Variants in PCDHGA2 observed in about 807,000 individuals in gnomAD.
PCDHGA2 encodes protocadherin gamma-A2.
In PCDHGA2, 40 loss-of-function variants were observed where a neutral mutation model predicts 59.2. The observed-to-expected ratio is 0.68, with a 90% CI of 0.52 to 0.88. PCDHGA2 has a LOEUF of 0.88. PCDHGA2 is among the 40% of genes least tolerant of loss of function. PCDHGA2 has a pLI of 0.00. For missense variants in PCDHGA2, 1,226 were observed against 1,204.0 expected, an observed-to-expected ratio of 1.02 and a Z score of -0.27; for synonymous variants, 560 against 526.0, an observed-to-expected ratio of 1.06 and a Z score of -0.89.
At chr5:141,447,011 C>T (rs1213312322) in intron 1 of PCDHGA2, among the ~76,000 whole-genome samples, 1 of 143,918 alleles carries the variant, frequency 6.9e-6, no homozygotes. Flanking sequence ...TCCTAGTGTT[C>T]AGTTTTGTTT....
Position 141,408,292 on chromosome 5 carries a change from T to C in PCDHGA2, c.2424+66897T>C, listed in dbSNP as rs752767472. On this transcript the variant is annotated intron_variant, in intron 1 of 3. Coordinates refer to ENST00000394576, the MANE Select transcript of PCDHGA2 (RefSeq NM_018915.4). ...TGCCTTTGTTCTACCCCACCCTGAGTGAGCCGATCCGCTACTCGATTCCGG... is the reference window on the plus strand; with the variant it reads ...TGCCTTTGTTCTACCCCACCCTGAGCGAGCCGATCCGCTACTCGATTCCGG... The C allele has an allele frequency of 5.0e-6, 8 of 1,613,504 alleles. No homozygotes were observed. The South Asian group carries it at 8.8e-5, about 18-fold the overall frequency.
chr5:141,419,647 G>C (rs370948584), intron 1 of PCDHGA2: 6 of 1,612,592 alleles, frequency 3.7e-6, no homozygotes, highest in Non-Finnish European at 5.1e-6. Context: ...CCGTGGACGC[G>C]GACTCGGGGC....
At chr5:141,387,885 A>C (rs748815627) in intron 1 of PCDHGA2, 1 of 1,578,800 alleles carries the variant, frequency 6.3e-7, no homozygotes, top group Non-Finnish European at 8.6e-7. Flanking sequence ...AGCAAGAGGG[A>C]TGGGGAGCGG....
chr5:141,356,740 C>A, intron 1 of PCDHGA2: 2 of 1,614,016 alleles, frequency 1.2e-6, no homozygotes, highest in Non-Finnish European at 1.7e-6. Flanking sequence ...TACAGGGATC[C>A]TATATGCTCT....
At chr5:141,450,815 A>T (rs183350620) in intron 1 of PCDHGA2, among the ~76,000 whole-genome samples, 1,650 of 126,706 alleles carry the variant, frequency 0.013, 15 homozygotes, top group African/African-American at 0.032. Context: ...TATTTATTTA[A>T]TATTATTATT....
At chr5:141,361,191 A>G (rs758042859) in intron 1 of PCDHGA2, 21 of 1,613,874 alleles carry the variant, frequency 1.3e-5, no homozygotes, top group Non-Finnish European at 1.8e-5. Context: ...TGACTTCAGT[A>G]TCTACTCCCC....
chr5:141,384,478 G>A (rs1350381914), intron 1 of PCDHGA2: 4 of 1,614,104 alleles, frequency 2.5e-6, no homozygotes, highest in Non-Finnish European at 3.4e-6. Context: ...GCAGTTGAGA[G>A]AACTACAACT....
chr5:141,355,063 C>G (rs902736924), intron 1 of PCDHGA2: 8 of 1,314,420 alleles, frequency 6.1e-6, no homozygotes, highest in Non-Finnish European at 7.2e-6. Flanking sequence ...GGCTCTGGAG[C>G]TTTATGAAAG....
At position 141,491,489 on chromosome 5, in the gene PCDHGA2, A is replaced by T; in HGVS notation, c.2425-3318A>T. 1.2e-6 allele frequency: 2 copies of T among 1,614,130 alleles called. No individual in the cohort carries two copies. Among genetic ancestry groups the T allele is most frequent in the Non-Finnish European group, 1.7e-6 (2 of 1,180,018 alleles). On this transcript the variant is annotated intron_variant, in intron 1 of 3. Coordinates refer to ENST00000394576, the MANE Select transcript of PCDHGA2 (RefSeq NM_018915.4). This position sits in a 1 kb window ranked among gnomAD's most constrained non-coding sequence, Gnocchi z 6.9. ...TATAAGCAGTCCAGCCCCAACCTGC[A>T]GGTGAGCTCGGACGGCACGCTCAAG... is the stretch of plus-strand genomic sequence containing the variant.
chr5:141,462,781 G>A (rs893647456), intron 1 of PCDHGA2, among the ~76,000 whole-genome samples: 7 of 152,102 alleles, frequency 4.6e-5, no homozygotes, highest in African/African-American at 1.7e-4. Context: ...GTCATAATTT[G>A]TTGCTTATTT....
chr5:141,477,857 C>T lies in PCDHGA2; in HGVS notation c.2425-16950C>T. ...AGGTGGGAGCTCGGTGGAGATGCTG[C>T]CTCGAGGTACCTCAGCTGGCCACCT... On this transcript the variant is annotated intron_variant, in intron 1 of 3. Transcript: ENST00000394576. The surrounding 1 kb of genome is among the most constrained non-coding windows in gnomAD (Gnocchi z 4.9). The T allele has an allele frequency of 6.2e-7, 1 of 1,613,574 alleles. No individual in the cohort carries two copies. The highest frequency in any genetic ancestry group is 8.5e-7 in the Non-Finnish European group (1 of 1,179,836).
intron 1 of PCDHGA2, among the ~76,000 whole-genome samples, chr5:141,457,612 G>T (rs1011626121): frequency 1.8e-4 from 27 of 152,232 alleles, no homozygotes; most frequent in Non-Finnish European, 2.9e-4. Flanking sequence ...AATTATGAAT[G>T]AACTTTAATC....
chr5:141,420,269 A>C, intron 1 of PCDHGA2: 1 of 1,544,558 alleles, frequency 6.5e-7, no homozygotes, highest in Non-Finnish European at 8.8e-7. Flanking sequence ...GAAGATTCTT[A>C]AACAGGTAAG....
At chr5:141,497,722 T>C (rs1395904793) in intron 2 of PCDHGA2, among the ~76,000 whole-genome samples, 1 of 152,030 alleles carries the variant, frequency 6.6e-6, no homozygotes, top group Non-Finnish European at 1.5e-5. Flanking sequence ...GTATTTTTAG[T>C]AGAGATGGGT....
chr5:141,355,488 C>G (rs1340330699), intron 1 of PCDHGA2: 1 of 1,614,004 alleles, frequency 6.2e-7, no homozygotes, highest in Non-Finnish European at 8.5e-7. Context: ...AGGAGCTCTG[C>G]GACAGATCTC....
intron 1 of PCDHGA2, chr5:141,478,812 A>C: frequency 1.4e-6 from 2 of 1,453,554 alleles, no homozygotes; most frequent in Non-Finnish European, 1.8e-6. Context: ...TTGCTATCAC[A>C]ACTAACCAAT....
At chr5:141,498,796 G>C (rs1160540093) in intron 2 of PCDHGA2, among the ~76,000 whole-genome samples, 1 of 152,032 alleles carries the variant, frequency 6.6e-6, no homozygotes, top group African/African-American at 2.4e-5. Context: ...AGCCAGGTGT[G>C]GTGGTGCACA....
intron 1 of PCDHGA2, chr5:141,371,611 C>T (rs561217101): frequency 6.2e-7 from 1 of 1,613,878 alleles, no homozygotes. Flanking sequence ...AGGTTGGTGA[C>T]AGATGGAGCC....
intron 1 of PCDHGA2, chr5:141,399,064 A>G: frequency 1.2e-6 from 2 of 1,613,762 alleles, no homozygotes; most frequent in Non-Finnish European, 1.7e-6. Flanking sequence ...GGAATATTCA[A>G]TGGTTGTAGA....
Sources: allele counts gnomAD v4.1 joint callset (sites outside exome capture counted in the v4.1 genomes callset), GRCh38; gene constraint gnomAD v4.1.1; non-coding constraint Gnocchi (gnomAD v3.1); transcripts MANE v1.5; gene names NCBI Gene and HGNC (gene_info 2026-07-23, HGNC 2026-07-21).